The following PGAP1 variants were observed in gnomAD, a reference collection of about 807,000 sequenced individuals.
PGAP1 encodes post-GPI attachment to proteins inositol deacylase 1, also known as GPI inositol-deacylase.
PGAP1 carries 76 observed loss-of-function variants against 127.0 expected under a neutral mutation model. The ratio of observed to expected loss-of-function variants is 0.60; its 90% CI spans 0.50 to 0.72. The LOEUF (loss-of-function observed/expected upper bound fraction) is 0.72. Ranked by LOEUF, PGAP1 falls within the 30% of genes least tolerant of loss-of-function variation. The probability of loss-of-function intolerance (pLI) is 0.00; values close to 1 mark genes in which losing one functional copy is unlikely to be tolerated. For synonymous variants in PGAP1, 362 were observed against 366.5 expected (o/e 0.99, Z 0.14); for missense variants, 982 against 1,071.3 (o/e 0.92, Z 1.16).
intron 4 of PGAP1, among the ~76,000 whole-genome samples, chr2:196,906,529 T>G (rs953325789): frequency 1.8e-4 from 6 of 33,702 alleles, no homozygotes; most frequent in South Asian, 3.7e-3. Flanking sequence ...CTGGAAACTC[T>G]AAAACGCAGA....
intron 19 of PGAP1, 64 bp from the exon 20 acceptor site, chr2:196,865,144 T>C (rs1301457731): frequency 2.2e-6 from 2 of 905,232 alleles, no homozygotes; most frequent in African/African-American, 3.5e-5. Flanking sequence ...TACTTTCACA[T>C]AAAATTTAAA....
chr2:196,842,988 C>T (rs2125775375), intron 25 of PGAP1, among the ~76,000 whole-genome samples, 163 bp from the exon 26 acceptor site: 1 of 152,180 alleles, frequency 6.6e-6, no homozygotes, highest in South Asian at 2.1e-4. Context: ...TTTTGTTCTA[C>T]ATCATCTTTG....
At chr2:196,844,390 G>T in intron 24 of PGAP1, 134 bp downstream of exon 24, 1 of 575,018 alleles carries the variant, frequency 1.7e-6, no homozygotes. Context: ...ATATTCATTA[G>T]GTTCACTTTA....
rs1340264120 is a variant in PGAP1, at chr2:196,833,419, A to G, written c.*7815T>C. 2.0e-5 allele frequency: 3 copies of G among 152,278 alleles called. No individual in the cohort carries two copies. The highest frequency in any genetic ancestry group is 4.4e-5 in the Non-Finnish European group (3 of 68,006). The allele number at this position is 152,278 out of a possible 1,614,324, so 9.4% of individuals were successfully genotyped here. Reference sequence around the variant, plus strand: ...CACTTGTTAAGTGTTGTTGTTATGCACTGTACTTTCTGGATGGATGAGAAA... The same window carrying G: ...CACTTGTTAAGTGTTGTTGTTATGCGCTGTACTTTCTGGATGGATGAGAAA... On this transcript the variant is annotated 3_prime_UTR_variant, in exon 27 of 27. Coordinates refer to ENST00000354764, the MANE Select transcript of PGAP1 (RefSeq NM_024989.4).
chr2:196,902,920 C>A (rs976068050), intron 4 of PGAP1, among the ~76,000 whole-genome samples, 178 bp from the exon 5 acceptor site: 7 of 151,962 alleles, frequency 4.6e-5, no homozygotes, highest in Non-Finnish European at 8.8e-5. Flanking sequence ...ACACATATTC[C>A]TACTTCCCGA....
chr2:196,840,272 G>A lies in PGAP1; in HGVS notation c.*962C>T, dbSNP rs927579598. ...AATAGTATAATATTATACATCAAAT[G>A]TGATGTTACCTTGATCATGTTGTTG... is the stretch of plus-strand genomic sequence containing the variant. On this transcript the variant is annotated 3_prime_UTR_variant, in exon 27 of 27. Transcript: ENST00000354764. 5.3e-5 allele frequency: 8 copies of A among 152,022 alleles called. No homozygotes were observed. Among genetic ancestry groups the A allele is most frequent in the African/African-American group, 1.9e-4 (8 of 41,380 alleles). 9.4% of individuals were successfully genotyped at this position (152,022 alleles called of 1,614,324 possible). A position where few individuals can be genotyped will look rare whatever the true frequency, so the allele number is the denominator to read the frequency against.
At chr2:196,846,101 T>C (rs1700549128) in intron 22 of PGAP1, 84 bp from the exon 23 acceptor site, 9 of 759,948 alleles carry the variant, frequency 1.2e-5, no homozygotes, top group Non-Finnish European at 1.7e-5. Context: ...TATAGTACCC[T>C]CCCAGTCTCT....
chr2:196,857,663 G>T (rs1298120513), intron 20 of PGAP1, among the ~76,000 whole-genome samples: 1 of 152,198 alleles, frequency 6.6e-6, no homozygotes, highest in Non-Finnish European at 1.5e-5. Context: ...AAATAGAGCT[G>T]AGGAAGGCTA....
Position 196,902,618 on chromosome 2 carries a change from T to C in PGAP1, c.774A>G (p.Lys258=). The C allele has an allele frequency of 6.2e-7, 1 of 1,613,398 alleles. No homozygotes were observed. Among genetic ancestry groups the C allele is most frequent in the African/African-American group, 1.3e-5 (1 of 75,026 alleles). ...QVRSGLTFLP[K]LSHHTSALSV... ...ATAAGGCACTGGTATGATGGCTTAATTTTGGTAGAAAAGTCAATCCTGAAC... is the reference window on the plus strand; with the variant it reads ...ATAAGGCACTGGTATGATGGCTTAACTTTGGTAGAAAAGTCAATCCTGAAC... Residue 258 remains lysine, a synonymous_variant, in exon 5 of 27, where the codon AAA becomes AAG. Coordinates refer to ENST00000354764, the MANE Select transcript of PGAP1 (RefSeq NM_024989.4).
chr2:196,911,621 A>T (rs1702820914), intron 4 of PGAP1, among the ~76,000 whole-genome samples: 1 of 149,262 alleles, frequency 6.7e-6, no homozygotes, highest in African/African-American at 2.4e-5. Flanking sequence ...AAAAAAAAAA[A>T]AAAAAAAAAA....
intron 23 of PGAP1, among the ~76,000 whole-genome samples, chr2:196,844,867 A>C (rs1308712383): frequency 6.6e-6 from 1 of 152,096 alleles, no homozygotes; most frequent in Non-Finnish European, 1.5e-5. Context: ...TATACCTTTT[A>C]TAACCTGTAA....
chr2:196,837,017 A>G lies in PGAP1; in HGVS notation c.*4217T>C, dbSNP rs1433740513. 2.0e-5 allele frequency: 3 copies of G among 152,238 alleles called. No homozygotes were observed. Among genetic ancestry groups the G allele is most frequent in the African/African-American group, 7.2e-5 (3 of 41,452 alleles). The allele number at this position is 152,238 out of a possible 1,614,324, so 9.4% of individuals were successfully genotyped here. On this transcript the variant is annotated 3_prime_UTR_variant, in exon 27 of 27. Coordinates refer to ENST00000354764, the MANE Select transcript of PGAP1 (RefSeq NM_024989.4). ...CATTTTCATTTTTCCCAAATGATTA[A>G]TAATAACCAGTTACTAAACTTCAAA...
intron 7 of PGAP1, among the ~76,000 whole-genome samples, chr2:196,895,428 T>C (rs1413400949): frequency 6.6e-6 from 1 of 152,220 alleles, no homozygotes; most frequent in Non-Finnish European, 1.5e-5. Context: ...TAATTGACTC[T>C]ATTATTGTAT....
chr2:196,869,965 A>G (rs1701361841), intron 19 of PGAP1, among the ~76,000 whole-genome samples: 1 of 152,248 alleles, frequency 6.6e-6, no homozygotes, highest in Admixed American at 6.5e-5. Context: ...TAAAGCTATA[A>G]TACAAATTTG....
At chr2:196,870,870 T>C in intron 19 of PGAP1, 71 bp downstream of exon 19, 2 of 1,360,812 alleles carry the variant, frequency 1.5e-6, no homozygotes, top group East Asian at 2.4e-5. Context: ...ATGGAAAAAG[T>C]CTACAACCCT....
intron 2 of PGAP1, 99 bp from the exon 3 acceptor site, chr2:196,916,692 C>T (rs532747583): frequency 1.7e-4 from 195 of 1,149,900 alleles, no homozygotes; most frequent in African/African-American, 2.7e-4. Flanking sequence ...TCCTGCATCA[C>T]GAATATAAAC....
intron 20 of PGAP1, among the ~76,000 whole-genome samples, chr2:196,856,526 T>C (rs767584401): frequency 6.6e-5 from 10 of 152,224 alleles, no homozygotes; most frequent in Admixed American, 2.6e-4. Flanking sequence ...ATGGAATTAC[T>C]AAAAATGAGA....
chr2:196,865,719 T>A (rs1171826839), intron 19 of PGAP1, among the ~76,000 whole-genome samples: 1 of 152,128 alleles, frequency 6.6e-6, no homozygotes, highest in African/African-American at 2.4e-5. Flanking sequence ...GAACTATAAG[T>A]TTTAAAATCA....
intron 24 of PGAP1, 123 bp from the exon 25 acceptor site, chr2:196,844,198 T>C (rs1254428011): frequency 1.6e-6 from 1 of 611,672 alleles, no homozygotes; most frequent in East Asian, 3.2e-5. Flanking sequence ...TGACATAAAA[T>C]CCTGAAATTA....
Sources: gnomAD v4.1 joint callset for allele counts (sites outside exome capture counted in the v4.1 genomes callset) on GRCh38, gnomAD v4.1.1 for gene constraint, MANE v1.5 for transcripts, NCBI Gene and HGNC (gene_info 2026-07-23, HGNC 2026-07-21) for gene names.